The following MYO9A variants were observed in gnomAD, a reference collection of about 807,000 sequenced individuals.
MYO9A encodes the protein unconventional myosin-IXa.
MYO9A carries 103 observed loss-of-function variants against 293.3 expected under a neutral mutation model. That is an observed-to-expected ratio of 0.35 (90% CI 0.30 to 0.41). MYO9A has a LOEUF of 0.41. Among genes scored for constraint, MYO9A ranks in the 10% least tolerant of loss-of-function variants. The pLI, the probability that MYO9A is intolerant of heterozygous loss-of-function variation, is 1.00. For missense variants in MYO9A, 2,685 were observed against 3,033.0 expected (o/e 0.89, Z 2.69); for synonymous variants, 1,001 against 1,035.7 (o/e 0.97, Z 0.64).
Position 71,893,711 on chromosome 15 carries a change from G to A in MYO9A, c.5110C>T (p.Pro1704Ser), listed in dbSNP as rs141313736. The A allele has an allele frequency of 5.8e-5, 94 of 1,613,958 alleles. No homozygotes were observed. The highest frequency in any genetic ancestry group is 5.1e-4 in the African/African-American group (38 of 75,038). ...LHKEDEPAWK[P>S]VKLAGPGQRE... is the part of the protein sequence containing the mutation. ...TGGCCTGGCCCAGCTAACTTCACAGGTTTCCATGCTGGTTCATCTTCTTTA... is the reference window on the plus strand; with the variant it reads ...TGGCCTGGCCCAGCTAACTTCACAGATTTCCATGCTGGTTCATCTTCTTTA... Residue 1704 changes from proline to serine, a missense_variant, in exon 26 of 42, where the codon CCT becomes TCT. Pro to Ser is a moderately conservative substitution (Grantham distance 74). Coordinates refer to ENST00000356056, the MANE Select transcript of MYO9A (RefSeq NM_006901.4).
At chr15:72,104,153 G>A (rs1449848185) in intron 1 of MYO9A, among the ~76,000 whole-genome samples, 1 of 152,136 alleles carries the variant, frequency 6.6e-6, no homozygotes, top group Non-Finnish European at 1.5e-5. Flanking sequence ...ATAATGCTGG[G>A]CAGCAGCAGA....
chr15:72,108,075 C>T (rs2080637625), intron 1 of MYO9A, among the ~76,000 whole-genome samples: 2 of 151,992 alleles, frequency 1.3e-5, no homozygotes, highest in African/African-American at 4.8e-5. Flanking sequence ...AATTAAATAC[C>T]TAAGGATCAA....
At chr15:72,062,976 C>G (rs943243339) in intron 1 of MYO9A, among the ~76,000 whole-genome samples, 11 of 152,202 alleles carry the variant, frequency 7.2e-5, no homozygotes, top group African/African-American at 2.2e-4. Flanking sequence ...GAGCCGTGAT[C>G]GTGCCACTGC....
At chr15:72,045,179 T>A (rs182611347) in intron 2 of MYO9A, 3 of 152,432 alleles carry the variant, frequency 2.0e-5, no homozygotes, top group Admixed American at 2.0e-4. Context: ...AGAACAGTAT[T>A]TCTATAGCTT....
At chr15:72,089,170 G>GT (rs1409077679) in intron 1 of MYO9A, among the ~76,000 whole-genome samples, 2 of 151,990 alleles carry the variant, frequency 1.3e-5, no homozygotes, top group Non-Finnish European at 2.9e-5. Context: ...TTTTGTTTTT[G>GT]TTTTTGTTTT....
intron 39 of MYO9A, among the ~76,000 whole-genome samples, chr15:71,844,393 AACAG>A (rs1218594622): frequency 1.8e-4 from 27 of 152,348 alleles, no homozygotes; most frequent in Admixed American, 1.5e-3. Flanking sequence ...GATATTCTGA[AACAG>A]ACAGTCTTAA....
At chr15:72,034,112 G>A (rs1476340828) in intron 2 of MYO9A, among the ~76,000 whole-genome samples, 7 of 152,152 alleles carry the variant, frequency 4.6e-5, no homozygotes, top group Non-Finnish European at 8.8e-5. Context: ...TGATGCCCCG[G>A]CAACTACATC....
rs530685195 is a variant in MYO9A, at chr15:71,890,551, A to C, written c.5143-2435T>G. On this transcript the variant is annotated intron_variant, in intron 26 of 41. Coordinates refer to ENST00000356056, the MANE Select transcript of MYO9A (RefSeq NM_006901.4). ...TTAGCAGAAAACGCCATTCTTCTTG[A>C]GTAAATGCCAATGTGGTGTGTATAA... 2.6e-5 allele frequency: 4 copies of C among 152,304 alleles called. No individual in the cohort carries two copies. In the South Asian group the frequency reaches 8.3e-4, roughly 32 times the overall value. The allele number at this position is 152,304 out of a possible 1,614,324, so 9.4% of individuals were successfully genotyped here. A position where few individuals can be genotyped will look rare whatever the true frequency, so the allele number is the denominator to read the frequency against.
chr15:72,077,752 A>AAAAAATAT (rs2079412621), intron 1 of MYO9A, among the ~76,000 whole-genome samples: 2 of 72,492 alleles, frequency 2.8e-5, no homozygotes, highest in African/African-American at 1.6e-4. Flanking sequence ...AAAAAAAAAA[A>AAAAAATAT]ATATATATAT....
intron 12 of MYO9A, among the ~76,000 whole-genome samples, chr15:71,971,575 C>T (rs951243120): frequency 1.4e-5 from 2 of 142,116 alleles, no homozygotes; most frequent in African/African-American, 5.3e-5. Flanking sequence ...CAGAGCTAGA[C>T]ACTGTCTCAA....
At chr15:71,884,030 C>T (rs1026716585) in intron 27 of MYO9A, among the ~76,000 whole-genome samples, 2 of 151,938 alleles carry the variant, frequency 1.3e-5, no homozygotes, top group Admixed American at 6.6e-5. Context: ...GATGAAACAG[C>T]CACAAAGCAG....
At chr15:71,938,997 T>C in intron 15 of MYO9A, 70 bp from the exon 16 acceptor site, 2 of 1,257,798 alleles carry the variant, frequency 1.6e-6, no homozygotes, top group Non-Finnish European at 2.2e-6. Flanking sequence ...ATAGTTTTTC[T>C]AAAGACAAAC....
At chr15:72,066,170 A>G (rs1376705494) in intron 1 of MYO9A, among the ~76,000 whole-genome samples, 1 of 152,222 alleles carries the variant, frequency 6.6e-6, no homozygotes, top group Non-Finnish European at 1.5e-5. Context: ...GTACCACTGG[A>G]GATTTTCAGG....
intron 3 of MYO9A, among the ~76,000 whole-genome samples, chr15:72,028,913 T>C (rs1459533040): frequency 1.3e-5 from 2 of 152,216 alleles, no homozygotes; most frequent in Non-Finnish European, 2.9e-5. Context: ...AGTGATCTAC[T>C]GCCTGTTCTC....
intron 33 of MYO9A, among the ~76,000 whole-genome samples, chr15:71,861,491 T>A (rs1204813900): frequency 6.8e-6 from 1 of 147,582 alleles, no homozygotes; most frequent in African/African-American, 2.5e-5. Flanking sequence ...TTATATATAT[T>A]TTATATATTT....
At chr15:72,057,301 T>C (rs906434983) in intron 1 of MYO9A, among the ~76,000 whole-genome samples, 1 of 151,998 alleles carries the variant, frequency 6.6e-6, no homozygotes, top group Non-Finnish European at 1.5e-5. Flanking sequence ...AAAAACTTAC[T>C]CATGCAACCA....
chr15:71,963,731 C>A (rs1226659988), intron 13 of MYO9A, among the ~76,000 whole-genome samples: 1 of 152,088 alleles, frequency 6.6e-6, no homozygotes, highest in East Asian at 1.9e-4. Flanking sequence ...GGATTACAGG[C>A]GTGAAGTTAT....
intron 19 of MYO9A, among the ~76,000 whole-genome samples, chr15:71,912,257 A>AC (rs2057875235): frequency 6.9e-6 from 1 of 144,724 alleles, no homozygotes; most frequent in Non-Finnish European, 1.5e-5. Flanking sequence ...AAAAGAGAAA[A>AC]GTTTTTTTTT....
chr15:72,106,562 G>GT (rs2080575859), intron 1 of MYO9A, among the ~76,000 whole-genome samples: 1 of 152,050 alleles, frequency 6.6e-6, no homozygotes, highest in Admixed American at 6.5e-5. Context: ...TCTGAACTAT[G>GT]TAAGTGCTTT....
Sources: allele counts gnomAD v4.1 joint callset (sites outside exome capture counted in the v4.1 genomes callset), GRCh38; gene constraint gnomAD v4.1.1; transcripts MANE v1.5; gene names NCBI Gene and HGNC (gene_info 2026-07-23, HGNC 2026-07-21).